KLHL3: variants seen among roughly 807,000 people sequenced by gnomAD.
KLHL3 encodes the protein kelch like family member 3.
KLHL3 carries 19 observed loss-of-function variants against 70.5 expected under a neutral mutation model. The ratio of observed to expected loss-of-function variants is 0.27; its 90% CI spans 0.19 to 0.40. KLHL3 has a LOEUF of 0.40. Ranked by LOEUF, KLHL3 falls within the 10% of genes least tolerant of loss-of-function variation. The pLI is 1.00. For synonymous variants in KLHL3, 258 were observed against 290.3 expected (o/e 0.89, Z 1.13); for missense variants, 512 against 771.1 (o/e 0.66, Z 3.98).
At chr5:137,676,980 T>C (rs1244742129) in intron 6 of KLHL3, among the ~76,000 whole-genome samples, 1 of 152,208 alleles carries the variant, frequency 6.6e-6, no homozygotes, top group East Asian at 1.9e-4. Flanking sequence ...CTTAGCATAG[T>C]GTTTGGCAAA....
intron 10 of KLHL3, among the ~76,000 whole-genome samples, chr5:137,638,645 C>T (rs1750829579): frequency 6.6e-6 from 1 of 152,176 alleles, no homozygotes; most frequent in Admixed American, 6.5e-5. Context: ...AGACCTGAGG[C>T]ACCCCCTAGC....
chr5:137,677,940 T>C lies in KLHL3; in HGVS notation c.527-286A>G, dbSNP rs973643287. Among the ~76,000 whole-genome samples the C allele has an allele frequency of 3.9e-5, 6 of 152,178 alleles. No individual in the cohort carries two copies. The South Asian group carries it at 1.2e-3, about 31-fold the overall frequency. ...GTATTTTTTCCATGCTCCATGAGAT[T>C]AATAATAGCACTGCAGAAAAGCCTC... On this transcript the variant is annotated intron_variant, in intron 5 of 14. Coordinates refer to ENST00000309755, the MANE Select transcript of KLHL3 (RefSeq NM_017415.3).
At chr5:137,685,060 G>C (rs1752129487) in intron 5 of KLHL3, among the ~76,000 whole-genome samples, 1 of 152,186 alleles carries the variant, frequency 6.6e-6, no homozygotes, top group Admixed American at 6.5e-5. Context: ...TGCTCTCGCT[G>C]GAAAAGCCGA....
At chr5:137,687,072 G>T (rs1752193927) in intron 5 of KLHL3, among the ~76,000 whole-genome samples, 3 of 104,092 alleles carry the variant, frequency 2.9e-5, no homozygotes, top group African/African-American at 1.1e-4. Flanking sequence ...AGGGAGGTGG[G>T]GGGGGTCAGC....
At chr5:137,735,136 ACG>A (rs1753239907) in intron 1 of KLHL3, among the ~76,000 whole-genome samples, 1 of 152,182 alleles carries the variant, frequency 6.6e-6, no homozygotes, top group Non-Finnish European at 1.5e-5. Flanking sequence ...CACGGCGTGC[ACG>A]CGCGCACACA....
intron 13 of KLHL3, among the ~76,000 whole-genome samples, chr5:137,627,214 C>T (rs1162453763): frequency 1.3e-5 from 2 of 152,024 alleles, no homozygotes; most frequent in African/African-American, 4.8e-5. Flanking sequence ...TGTAATAAGA[C>T]GTTCATGAGA....
rs149389264 is a variant in KLHL3 at position 137,696,444 on chromosome 5, C to T, written c.363+1843G>A. 3.1e-3 allele frequency among the ~76,000 whole-genome samples: 473 copies of T among 152,368 alleles called. 5 individuals carry two copies. Among genetic ancestry groups the T allele is most frequent in the African/African-American group, 0.011 (441 of 41,582 alleles). Reference sequence around the variant, plus strand: ...CAGCCATGCAACTGAGGACAAATTACTTAACCTCTCAATGCCTCTGTCTCC... The same window carrying T: ...CAGCCATGCAACTGAGGACAAATTATTTAACCTCTCAATGCCTCTGTCTCC... On this transcript the variant is annotated intron_variant, in intron 4 of 14. Coordinates refer to ENST00000309755, the MANE Select transcript of KLHL3 (RefSeq NM_017415.3).
At chr5:137,695,083 T>G (rs1752414806) in intron 4 of KLHL3, among the ~76,000 whole-genome samples, 1 of 152,152 alleles carries the variant, frequency 6.6e-6, no homozygotes, top group Admixed American at 6.5e-5. Flanking sequence ...CCTTCCCCTC[T>G]TCCAAGGAGA....
intron 1 of KLHL3, among the ~76,000 whole-genome samples, chr5:137,732,330 G>A (rs140457936): frequency 1.2e-3 from 182 of 152,002 alleles, no homozygotes; most frequent in Admixed American, 4.7e-3. Context: ...ATAAGGTCCA[G>A]GAGAGACCTG....
Position 137,709,764 on chromosome 5 carries a change from C to G in KLHL3, c.227G>C (p.Cys76Ser), listed in dbSNP as rs753631869. ...ACTCACCATACCTGTGAACATCGCA[C>G]AGAAGTAGGGGCTGCAGGCTGCCAG... is the stretch of plus-strand genomic sequence containing the variant. Reference protein sequence around the residue: ...VVLAACSPYFCAMFTGDMSES... With the variant: ...VVLAACSPYFSAMFTGDMSES... Residue 76 changes from cysteine to serine, a missense_variant, in exon 3 of 15, where the codon TGT becomes TCT. Cys to Ser is a moderately radical substitution (Grantham distance 112, BLOSUM62 -1). Coordinates refer to ENST00000309755, the MANE Select transcript of KLHL3 (RefSeq NM_017415.3). The G allele has an allele frequency of 6.2e-7, 1 of 1,613,948 alleles. No individual in the cohort carries two copies. The highest frequency in any genetic ancestry group is 1.1e-5 in the South Asian group (1 of 91,080).
Position 137,728,950 on chromosome 5 carries a change from C to T in KLHL3, c.14+6683G>A, listed in dbSNP as rs575468298. ...CAAGTTTACCTATATAACAAACCAG[C>T]ACGTGTACCCCTGAACCTAAAATAA... On this transcript the variant is annotated intron_variant, in intron 1 of 14. Transcript: ENST00000309755. Among the ~76,000 whole-genome samples the T allele has an allele frequency of 7.5e-4, 113 of 150,060 alleles. 1 individual carries two copies. Among genetic ancestry groups the T allele is most frequent in the Admixed American group, 2.7e-3 (41 of 15,070 alleles).
chr5:137,732,417 GCATCCAGCC>G lies in KLHL3; in HGVS notation c.14+3207_14+3215del, dbSNP rs535656673. Among the ~76,000 whole-genome samples, 56 of 151,060 alleles carry G rather than the reference GCATCCAGCC, an allele frequency of 3.7e-4. 1 individual carries two copies. Among genetic ancestry groups the G allele is most frequent in the Middle Eastern group, 6.8e-3 (2 of 294 alleles). On this transcript the variant is annotated intron_variant, in intron 1 of 14. Coordinates refer to ENST00000309755, the MANE Select transcript of KLHL3 (RefSeq NM_017415.3). Reference sequence around the variant, plus strand: ...AAGAGATTTTGGCCTGAACAAACATGCATCCAGCCCATGGTTCCAACCACTGAGGCAACT... The same window carrying G: ...AAGAGATTTTGGCCTGAACAAACATGCATGGTTCCAACCACTGAGGCAACT...
At chr5:137,646,152 GAT>G (rs1274635732) in intron 8 of KLHL3, among the ~76,000 whole-genome samples, 2 of 151,972 alleles carry the variant, frequency 1.3e-5, no homozygotes, top group African/African-American at 4.8e-5. Context: ...CTCTAAAAAA[GAT>G]ATATGAATGA....
At chr5:137,706,018 A>AT (rs752830734) in intron 3 of KLHL3, 148 of 985,396 alleles carry the variant, frequency 1.5e-4, no homozygotes, top group Admixed American at 1.8e-4. Flanking sequence ...GACTGGTTGG[A>AT]TTGGGACACT....
chr5:137,635,462 C>A (rs1276119603), intron 11 of KLHL3, among the ~76,000 whole-genome samples: 1 of 152,204 alleles, frequency 6.6e-6, no homozygotes, highest in Non-Finnish European at 1.5e-5. Context: ...TGCCTACACT[C>A]CAATCCACAG....
rs201023154 is a variant in KLHL3, at chr5:137,639,643, G to A, written c.1021+217C>T. Among the ~76,000 whole-genome samples, 8 of 150,318 alleles carry A rather than the reference G, an allele frequency of 5.3e-5. No individual in the cohort carries two copies. The East Asian group carries it at 9.8e-4, about 18-fold the overall frequency. On this transcript the variant is annotated intron_variant, in intron 9 of 14. Transcript: ENST00000309755. This position sits in a 1 kb window ranked among gnomAD's most constrained non-coding sequence, Gnocchi z 5.0. ...CAGGAGGCAGACGTTGCAGTGAGCCGAGATCATGACACTGCACTCCAACCT... is the reference window on the plus strand; with the variant it reads ...CAGGAGGCAGACGTTGCAGTGAGCCAAGATCATGACACTGCACTCCAACCT...
rs560402984 is a variant in KLHL3, at chr5:137,640,478, A to G, written c.904-501T>C. ...TGAGATGTTTATTACAAAAGTTATTAAACTGATGATGTTCTGGAAACTAGT... is the reference window on the plus strand; with the variant it reads ...TGAGATGTTTATTACAAAAGTTATTGAACTGATGATGTTCTGGAAACTAGT... On this transcript the variant is annotated intron_variant, in intron 8 of 14. Coordinates refer to ENST00000309755, the MANE Select transcript of KLHL3 (RefSeq NM_017415.3). Among the ~76,000 whole-genome samples, 14 of 152,324 alleles carry G rather than the reference A, an allele frequency of 9.2e-5. No individual in the cohort carries two copies. The East Asian group carries it at 2.5e-3, about 27-fold the overall frequency.
At chr5:137,627,556 A>T (rs1750508378) in intron 13 of KLHL3, among the ~76,000 whole-genome samples, 1 of 148,014 alleles carries the variant, frequency 6.8e-6, no homozygotes, top group South Asian at 2.2e-4. Flanking sequence ...ATGAAAATGG[A>T]TCTGCCTGAA....
At position 137,622,187 on chromosome 5, in the gene KLHL3, G is replaced by T. The variant is rs544011686; in HGVS notation, c.1736-61C>A. On this transcript the variant is annotated intron_variant, in intron 14 of 14. Coordinates refer to ENST00000309755, the MANE Select transcript of KLHL3 (RefSeq NM_017415.3). ...TTCTCCAAAATTACTCAGAGTCCCAGTGAGTTCATGAATCCAAGATATCCT... is the reference window on the plus strand; with the variant it reads ...TTCTCCAAAATTACTCAGAGTCCCATTGAGTTCATGAATCCAAGATATCCT... 599 of 1,560,756 alleles carry T rather than the reference G, an allele frequency of 3.8e-4. 4 individuals are homozygous for T. In the South Asian group the frequency reaches 6.4e-3, roughly 17 times the overall value.
Sources: gnomAD v4.1 joint callset for allele counts (sites outside exome capture counted in the v4.1 genomes callset) on GRCh38, gnomAD v4.1.1 for gene constraint, Gnocchi (gnomAD v3.1) non-coding constraint, MANE v1.5 for transcripts, NCBI Gene and HGNC (gene_info 2026-07-23, HGNC 2026-07-21) for gene names.